MAP3K3: variants seen among roughly 807,000 people sequenced by gnomAD.
The protein encoded by MAP3K3 is mitogen-activated protein kinase kinase kinase 3.
A neutral mutation model predicts 80.9 loss-of-function variants in MAP3K3; 12 were observed. That is an observed-to-expected ratio of 0.15 (90% CI 0.10 to 0.24). The LOEUF (loss-of-function observed/expected upper bound fraction) is 0.24. Ranked by LOEUF, MAP3K3 falls within the 10% of genes least tolerant of loss-of-function variation. MAP3K3 has a pLI of 1.00. For synonymous variants in MAP3K3, 272 were observed against 307.1 expected (o/e 0.89, Z 1.19); for missense variants, 596 against 834.7 (o/e 0.71, Z 3.52).
chr17:63,637,961 A>T (rs1472339966), intron 2 of MAP3K3, among the ~76,000 whole-genome samples: 1 of 152,204 alleles, frequency 6.6e-6, no homozygotes, highest in Non-Finnish European at 1.5e-5. Flanking sequence ...AGAGGAAGAG[A>T]ATTCCAGGAT....
At chr17:63,679,652 A>AT (rs2035290232) in intron 6 of MAP3K3, among the ~76,000 whole-genome samples, 1 of 152,006 alleles carries the variant, frequency 6.6e-6, no homozygotes, top group African/African-American at 2.4e-5. Context: ...TTTTTAAAAT[A>AT]TTTTTTGTAG....
At chr17:63,671,696 A>G (rs1335127455) in intron 6 of MAP3K3, among the ~76,000 whole-genome samples, 2 of 152,156 alleles carry the variant, frequency 1.3e-5, no homozygotes, top group Admixed American at 1.3e-4. Context: ...ATATGATTGT[A>G]TTCTTAAAAT....
At chr17:63,652,872 C>T (rs952219804) in intron 4 of MAP3K3, among the ~76,000 whole-genome samples, 3 of 152,212 alleles carry the variant, frequency 2.0e-5, no homozygotes, top group East Asian at 1.9e-4. Context: ...TCCCCCTACT[C>T]ATTCAGTGCA....
chr17:63,680,296 G>A (rs1474811589), intron 6 of MAP3K3, among the ~76,000 whole-genome samples: 2 of 152,160 alleles, frequency 1.3e-5, no homozygotes, highest in Non-Finnish European at 2.9e-5. Flanking sequence ...GGTAGATAAG[G>A]GAATGGAGGG....
chr17:63,633,345 C>T (rs1216369694), intron 2 of MAP3K3, among the ~76,000 whole-genome samples: 1 of 152,094 alleles, frequency 6.6e-6, no homozygotes, highest in Non-Finnish European at 1.5e-5. Flanking sequence ...TCGTTTTTCC[C>T]CTTTACTGAT....
At position 63,652,450 on chromosome 17, in the gene MAP3K3, CAG is replaced by C. The variant is rs1031591601; in HGVS notation, c.168-105_168-104del. 3.6e-5 allele frequency: 26 copies of C among 729,792 alleles called. No homozygotes were observed. The Admixed American group carries it at 5.1e-4, about 14-fold the overall frequency. The allele number at this position is 729,792 out of a possible 1,614,324, so 45.2% of individuals were successfully genotyped here. On this transcript the variant is annotated intron_variant, in intron 3 of 15. Transcript: ENST00000361733. ...AAAAGGCAAATTGAGTGAAAGAAAA[CAG>C]AATCCTATGTTGAGAAGAAAGGAAG...
intron 4 of MAP3K3, among the ~76,000 whole-genome samples, chr17:63,654,724 C>G (rs1414720835): frequency 6.6e-6 from 1 of 152,096 alleles, no homozygotes; most frequent in African/African-American, 2.4e-5. Flanking sequence ...AAAAACTGCC[C>G]GAGACTGGGT....
intron 6 of MAP3K3, among the ~76,000 whole-genome samples, chr17:63,679,718 T>C (rs1161364175): frequency 6.6e-6 from 1 of 152,148 alleles, no homozygotes; most frequent in Non-Finnish European, 1.5e-5. Context: ...CCTCAAGCAT[T>C]TCTCCTGCCT....
chr17:63,666,853 A>G (rs1049728813), intron 5 of MAP3K3, 87 bp from the exon 6 acceptor site: 1 of 1,486,754 alleles, frequency 6.7e-7, no homozygotes. Context: ...CTGAGCCTGC[A>G]GGGAGTCCTT....
At chr17:63,683,067 T>C (rs1287526343) in intron 7 of MAP3K3, among the ~76,000 whole-genome samples, 2 of 152,244 alleles carry the variant, frequency 1.3e-5, no homozygotes, top group African/African-American at 4.8e-5. Flanking sequence ...TGCTTTGATG[T>C]AAAAGAAAAG....
At chr17:63,651,460 C>T (rs974453406) in intron 3 of MAP3K3, among the ~76,000 whole-genome samples, 4 of 152,012 alleles carry the variant, frequency 2.6e-5, no homozygotes, top group South Asian at 2.1e-4. Flanking sequence ...GGTGACAGAA[C>T]GAGACTCTGT....
rs150609752 is a variant in MAP3K3 at position 63,660,238 on chromosome 17, T to G, written c.381+2331T>G. On this transcript the variant is annotated intron_variant, in intron 5 of 15. Transcript: ENST00000361733. ...TTTTTTGAGATGGGATCTTACTCTG[T>G]CACCCAAGCTGGAGTGCAGTGGCGC... 6.8e-4 allele frequency among the ~76,000 whole-genome samples: 103 copies of G among 152,268 alleles called. No individual in the cohort carries two copies. In the Middle Eastern group the frequency reaches 0.014, roughly 20 times the overall value.
chr17:63,634,592 G>A (rs2034282978), intron 2 of MAP3K3: 1 of 827,240 alleles, frequency 1.2e-6, no homozygotes, highest in Non-Finnish European at 1.9e-6. Context: ...TTGACTGTTA[G>A]GAAGTAATCT....
chr17:63,637,047 A>G, intron 2 of MAP3K3: 2 of 526,368 alleles, frequency 3.8e-6, no homozygotes, highest in South Asian at 2.0e-5. Flanking sequence ...AACTTTCTGG[A>G]AGAGGAGATT....
chr17:63,645,872 T>C (rs891087221), intron 2 of MAP3K3, among the ~76,000 whole-genome samples, 162 bp from the exon 3 acceptor site: 5 of 152,168 alleles, frequency 3.3e-5, no homozygotes, highest in Non-Finnish European at 7.4e-5. Context: ...TTTAACTCAT[T>C]GGAAAGGAAT....
chr17:63,659,190 A>G (rs2034834180), intron 5 of MAP3K3, among the ~76,000 whole-genome samples: 1 of 152,148 alleles, frequency 6.6e-6, no homozygotes, highest in African/African-American at 2.4e-5. Context: ...ACATTTTTCT[A>G]TGTTGTAATT....
At chr17:63,644,034 A>G (rs1029970273) in intron 2 of MAP3K3, among the ~76,000 whole-genome samples, 1 of 152,114 alleles carries the variant, frequency 6.6e-6, no homozygotes, top group Non-Finnish European at 1.5e-5. Context: ...TAACTCAGTT[A>G]TTTTCTGTAA....
intron 2 of MAP3K3, among the ~76,000 whole-genome samples, chr17:63,642,820 G>A (rs1368502930): frequency 6.6e-6 from 1 of 151,986 alleles, no homozygotes; most frequent in Non-Finnish European, 1.5e-5. Context: ...CCAGTGGCGT[G>A]ATCATGGCTC....
intron 4 of MAP3K3, among the ~76,000 whole-genome samples, chr17:63,655,984 C>T (rs1205863627): frequency 1.3e-5 from 2 of 152,108 alleles, no homozygotes; most frequent in African/African-American, 4.8e-5. Context: ...AATGCCAGCA[C>T]TTTGGGAGGC....
Sources: gnomAD v4.1 joint callset for allele counts (sites outside exome capture counted in the v4.1 genomes callset) on GRCh38, gnomAD v4.1.1 for gene constraint, MANE v1.5 for transcripts, NCBI Gene and HGNC (gene_info 2026-07-23, HGNC 2026-07-21) for gene names.